Variants in JAKMIP3 observed in about 807,000 individuals in gnomAD.
JAKMIP3 encodes the protein Janus kinase and microtubule interacting protein 3.
Under a neutral mutation model 118.5 loss-of-function variants are expected in JAKMIP3, and 58 were observed. That is an observed-to-expected ratio of 0.49 (90% CI 0.40 to 0.61). The LOEUF (loss-of-function observed/expected upper bound fraction) is 0.61, where lower values mean the gene tolerates loss of function less well. Among genes scored for constraint, JAKMIP3 ranks in the 20% least tolerant of loss-of-function variants. JAKMIP3 has a pLI of 0.00. For missense variants in JAKMIP3, 950 were observed against 1,109.0 expected, an observed-to-expected ratio of 0.86 and a Z score of 2.04; for synonymous variants, 486 against 451.2, an observed-to-expected ratio of 1.08 and a Z score of -0.98.
intron 1 of JAKMIP3, among the ~76,000 whole-genome samples, chr10:132,082,921 C>A (rs898282803): frequency 1.3e-5 from 2 of 152,236 alleles, no homozygotes; most frequent in African/African-American, 4.8e-5. Context: ...ACCACAGTTT[C>A]TTTATTCACT....
intron 1 of JAKMIP3, among the ~76,000 whole-genome samples, chr10:132,046,863 T>C (rs1249890980): frequency 1.3e-5 from 2 of 152,168 alleles, no homozygotes; most frequent in Admixed American, 6.5e-5. Context: ...GCCCTTAATA[T>C]ACACTGTGAT....
At chr10:132,127,392 T>TTGTGTGTGTGTGTGTGTG in intron 3 of JAKMIP3, among the ~76,000 whole-genome samples, 1 of 146,972 alleles carries the variant, frequency 6.8e-6, no homozygotes, top group East Asian at 2.0e-4. Context: ...CTGGCTAATT[T>TTGTGTGTGTGTGTGTGTG]TGTGTGTGTG....
chr10:132,174,784 C>T (rs75747848), intron 23 of JAKMIP3, among the ~76,000 whole-genome samples: 16,707 of 152,162 alleles, frequency 0.11, 1,234 homozygotes, highest in Non-Finnish European at 0.15. Context: ...GGCTGGTTCT[C>T]CTTATTTGGT....
chr10:132,063,941 A>G (rs1253394353), upstream of JAKMIP3, among the ~76,000 whole-genome samples: 2 of 152,222 alleles, frequency 1.3e-5, no homozygotes, highest in Non-Finnish European at 2.9e-5. Flanking sequence ...TTTTAAAAAC[A>G]AATAATGTGA....
rs1005393823 is a variant in JAKMIP3 at position 132,163,207 on chromosome 10, A to C, written c.2221-2A>C. Reference sequence around the variant, plus strand: ...ACTAAGGCGTCTCCCCTTCCGCCCCAGCACATCCTGGAGCTGGAAGCCATG... The same window carrying C: ...ACTAAGGCGTCTCCCCTTCCGCCCCCGCACATCCTGGAGCTGGAAGCCATG... On this transcript the variant is annotated splice_acceptor_variant, in intron 19 of 23. Coordinates refer to ENST00000684848, the MANE Select transcript of JAKMIP3 (RefSeq NM_001323087.2). LOFTEE classifies it high-confidence loss of function. The C allele has an allele frequency of 6.4e-7, 1 of 1,555,214 alleles. No individual in the cohort carries two copies. The highest frequency in any genetic ancestry group is 8.7e-7 in the Non-Finnish European group (1 of 1,149,716).
intron 2 of JAKMIP3, among the ~76,000 whole-genome samples, chr10:132,110,869 G>A (rs1038865462): frequency 3.3e-5 from 5 of 152,260 alleles, no homozygotes; most frequent in Admixed American, 6.5e-5. Context: ...AAGGTGCAGC[G>A]TGGGCTCCTT....
intron 23 of JAKMIP3, among the ~76,000 whole-genome samples, chr10:132,172,834 G>A (rs1470206005): frequency 6.6e-6 from 1 of 151,662 alleles, no homozygotes; most frequent in Admixed American, 6.6e-5. Flanking sequence ...GGGTGTGCTT[G>A]TTGCTACTGG....
intron 19 of JAKMIP3, among the ~76,000 whole-genome samples, chr10:132,161,808 A>T (rs1229937208): frequency 4.0e-4 from 31 of 77,364 alleles, no homozygotes; most frequent in African/African-American, 1.8e-3. Flanking sequence ...TCCCTGTGTG[A>T]TGCTGGGGGG....
intron 1 of JAKMIP3, among the ~76,000 whole-genome samples, chr10:132,095,506 G>C (rs2043732220): frequency 1.3e-5 from 2 of 152,142 alleles, no homozygotes; most frequent in South Asian, 4.1e-4. Context: ...TGTGTGTTTG[G>C]GGGTGAACGG....
At chr10:132,131,049 G>A (rs971029665) in intron 3 of JAKMIP3, among the ~76,000 whole-genome samples, 24 of 152,122 alleles carry the variant, frequency 1.6e-4, no homozygotes, top group African/African-American at 4.8e-4. Context: ...CAGCCTCAGC[G>A]TCGGCCTGCA....
intron 1 of JAKMIP3, among the ~76,000 whole-genome samples, chr10:132,056,945 C>T (rs2038253822): frequency 1.3e-5 from 2 of 152,172 alleles, no homozygotes; most frequent in Admixed American, 6.5e-5. Context: ...CCCTGGGTTC[C>T]AGGTCCTGCC....
rs532775147 is a variant in JAKMIP3, at chr10:132,132,517, C to T, written c.634-795C>T. 2.0e-5 allele frequency among the ~76,000 whole-genome samples: 3 copies of T among 152,290 alleles called. No homozygotes were observed. In the East Asian group the frequency reaches 5.8e-4, roughly 29 times the overall value. On this transcript the variant is annotated intron_variant, in intron 3 of 23. Transcript: ENST00000684848. ...ATATCCCCGGAAGGAAGGACTTCTT[C>T]CCTTCATAGGTTGAGCACAAAGCGC... is the stretch of plus-strand genomic sequence containing the variant.
intron 21 of JAKMIP3, among the ~76,000 whole-genome samples, chr10:132,166,660 A>G (rs2058934987): frequency 6.6e-6 from 1 of 152,180 alleles, no homozygotes; most frequent in South Asian, 2.1e-4. Flanking sequence ...GTTTCACTTC[A>G]GGGAGGAGGA....
At chr10:132,155,789 G>A (rs1234543364) in intron 19 of JAKMIP3, among the ~76,000 whole-genome samples, 1 of 152,210 alleles carries the variant, frequency 6.6e-6, no homozygotes, top group Non-Finnish European at 1.5e-5. Context: ...GCAGCTCACA[G>A]GTTGCCAGCT....
chr10:132,117,806 C>G lies in JAKMIP3; in HGVS notation c.633+232C>G, dbSNP rs543829914. Among the ~76,000 whole-genome samples the G allele has an allele frequency of 1.3e-5, 2 of 152,144 alleles. No individual in the cohort carries two copies. The highest frequency in any genetic ancestry group is 1.5e-5 in the Non-Finnish European group (1 of 68,018). On this transcript the variant is annotated intron_variant, in intron 3 of 23. Coordinates refer to ENST00000684848, the MANE Select transcript of JAKMIP3 (RefSeq NM_001323087.2). This position sits in a 1 kb window ranked among gnomAD's most constrained non-coding sequence, Gnocchi z 8.6. ...AAAGGTTCAGACCCACAGTCAGGCC[C>G]GCACGGGGCAGGCCAGACTCTCACC...
At chr10:132,071,354 A>C (rs981209892) in intron 1 of JAKMIP3, among the ~76,000 whole-genome samples, 2 of 152,044 alleles carry the variant, frequency 1.3e-5, no homozygotes, top group Non-Finnish European at 2.9e-5. Flanking sequence ...TGAATGTTTT[A>C]TGTGTGCATC....
At chr10:132,073,072 A>C (rs1274125675) in intron 1 of JAKMIP3, among the ~76,000 whole-genome samples, 3 of 152,246 alleles carry the variant, frequency 2.0e-5, no homozygotes, top group African/African-American at 7.2e-5. Context: ...TTTCTGCAAA[A>C]GACATGATTT....
chr10:132,129,157 G>A (rs1029038725), intron 3 of JAKMIP3, among the ~76,000 whole-genome samples: 5 of 152,178 alleles, frequency 3.3e-5, no homozygotes, highest in Non-Finnish European at 5.9e-5. Flanking sequence ...GGATCCTTTT[G>A]AGGTGTGGTT....
intron 3 of JAKMIP3, among the ~76,000 whole-genome samples, chr10:132,121,435 C>T (rs536792111): frequency 2.6e-4 from 39 of 152,348 alleles, no homozygotes; most frequent in African/African-American, 9.4e-4. Flanking sequence ...GTGGCCATAG[C>T]ACGGGCCGGC....
Sources: allele counts gnomAD v4.1 joint callset (sites outside exome capture counted in the v4.1 genomes callset), GRCh38; gene constraint gnomAD v4.1.1; non-coding constraint Gnocchi (gnomAD v3.1); transcripts MANE v1.5; gene names NCBI Gene and HGNC (gene_info 2026-07-23, HGNC 2026-07-21).